The following TBC1D12 variants were observed in gnomAD, a reference collection of about 807,000 sequenced individuals.
TBC1D12 encodes the protein TBC1 domain family member 12, also known as TBC1 domain family, member 12.
In TBC1D12, 56 loss-of-function variants were observed where a neutral mutation model predicts 86.7. That is an observed-to-expected ratio of 0.65 (90% CI 0.52 to 0.81). The LOEUF (loss-of-function observed/expected upper bound fraction) is 0.81. Ranked by LOEUF, TBC1D12 falls within the 30% of genes least tolerant of loss-of-function variation. The pLI, the probability that TBC1D12 is intolerant of heterozygous loss-of-function variation, is 0.00. For synonymous variants in TBC1D12, 421 were observed against 411.7 expected (o/e 1.02, Z -0.27); for missense variants, 1,023 against 1,038.8 (o/e 0.98, Z 0.21).
chr10:94,519,620 T>TG (rs1842087832), intron 9 of TBC1D12, among the ~76,000 whole-genome samples: 1 of 152,232 alleles, frequency 6.6e-6, no homozygotes, highest in South Asian at 2.1e-4. Context: ...TAGACTTCAC[T>TG]GGGTTTAAGT....
intron 4 of TBC1D12, among the ~76,000 whole-genome samples, chr10:94,496,446 A>G (rs918336894): frequency 2.0e-5 from 3 of 152,186 alleles, no homozygotes; most frequent in Non-Finnish European, 4.4e-5. Flanking sequence ...AAAAGAGTTA[A>G]TATACTAATA....
At chr10:94,436,149 T>C (rs928807517) in intron 1 of TBC1D12, among the ~76,000 whole-genome samples, 2 of 152,114 alleles carry the variant, frequency 1.3e-5, no homozygotes, top group Non-Finnish European at 2.9e-5. Flanking sequence ...TATTCCTTTT[T>C]TTTTTTTGAG....
intron 7 of TBC1D12, among the ~76,000 whole-genome samples, 163 bp downstream of exon 7, chr10:94,507,510 A>G (rs1307668186): frequency 1.3e-5 from 2 of 152,188 alleles, no homozygotes; most frequent in Non-Finnish European, 2.9e-5. Flanking sequence ...AAGTTCATGT[A>G]AGTATCATCC....
chr10:94,457,677 T>C (rs2055648673), intron 2 of TBC1D12, among the ~76,000 whole-genome samples: 1 of 152,250 alleles, frequency 6.6e-6, no homozygotes, highest in African/African-American at 2.4e-5. Context: ...TGTTTGTTAG[T>C]TGTTGCCTTT....
At chr10:94,425,613 C>T (rs2055135684) in intron 1 of TBC1D12, among the ~76,000 whole-genome samples, 1 of 152,134 alleles carries the variant, frequency 6.6e-6, no homozygotes, top group Non-Finnish European at 1.5e-5. Flanking sequence ...ACAACTCAAC[C>T]AACTAGTAAG....
intron 1 of TBC1D12, among the ~76,000 whole-genome samples, chr10:94,428,784 A>G (rs534282479): frequency 6.6e-6 from 1 of 151,412 alleles, no homozygotes; most frequent in Non-Finnish European, 1.5e-5. Flanking sequence ...CATCAGGCTC[A>G]CTACAGCCTT....
chr10:94,460,146 C>T (rs775846126), intron 2 of TBC1D12, among the ~76,000 whole-genome samples: 2 of 152,088 alleles, frequency 1.3e-5, no homozygotes, highest in African/African-American at 4.8e-5. Context: ...GCAGGAGAAT[C>T]GCTTGAACCT....
intron 1 of TBC1D12, among the ~76,000 whole-genome samples, chr10:94,406,522 A>C (rs1589595463): frequency 6.6e-6 from 1 of 152,184 alleles, no homozygotes; most frequent in African/African-American, 2.4e-5. Flanking sequence ...AATCTATAAT[A>C]CCTAGCCACT....
chr10:94,516,176 C>T (rs1364686239), intron 9 of TBC1D12, among the ~76,000 whole-genome samples: 2 of 152,088 alleles, frequency 1.3e-5, no homozygotes, highest in African/African-American at 4.8e-5. Flanking sequence ...TAACACTTTT[C>T]TGCCCAAAAG....
intron 2 of TBC1D12, among the ~76,000 whole-genome samples, chr10:94,456,949 C>T (rs1014405062): frequency 5.9e-5 from 9 of 152,050 alleles, no homozygotes; most frequent in African/African-American, 9.7e-5. Flanking sequence ...TTCCTTGCTC[C>T]GAAGTCTGCT....
chr10:94,522,177 A>C (rs550406728), intron 10 of TBC1D12, 94 bp downstream of exon 10: 1 of 1,414,286 alleles, frequency 7.1e-7, no homozygotes, highest in African/African-American at 1.4e-5. Context: ...ATCTAATCTA[A>C]TATAAACTTA....
rs573222290 is a variant in TBC1D12 at position 94,465,883 on chromosome 10, T to C, written c.1096-8785T>C. ...ACATACATATATACACATACATGTA[T>C]GTATATACATACATACGCATATATA... On this transcript the variant is annotated intron_variant, in intron 2 of 12. Transcript: ENST00000225235. Among the ~76,000 whole-genome samples, 4 of 151,150 alleles carry C rather than the reference T, an allele frequency of 2.6e-5. No homozygotes were observed. The East Asian group carries it at 7.8e-4, about 29-fold the overall frequency.
chr10:94,456,801 C>G (rs1589628709), intron 2 of TBC1D12, among the ~76,000 whole-genome samples: 1 of 152,308 alleles, frequency 6.6e-6, no homozygotes, highest in South Asian at 2.1e-4. Context: ...TCATCTATTA[C>G]TCCTTGTAGT....
intron 3 of TBC1D12, among the ~76,000 whole-genome samples, chr10:94,489,376 G>A (rs988023495): frequency 1.3e-5 from 2 of 152,352 alleles, no homozygotes; most frequent in African/African-American, 4.8e-5. Flanking sequence ...AGAAGCCACT[G>A]CCAGGGGTTG....
At chr10:94,531,511 A>G (rs1336336632) in intron 12 of TBC1D12, 51 bp downstream of exon 12, 1 of 1,492,154 alleles carries the variant, frequency 6.7e-7, no homozygotes, top group Non-Finnish European at 8.9e-7. Context: ...CAGTTGACTT[A>G]TTGTAAAAAA....
At chr10:94,404,786 T>A (rs946617310) in intron 1 of TBC1D12, among the ~76,000 whole-genome samples, 1 of 150,968 alleles carries the variant, frequency 6.6e-6, no homozygotes, top group African/African-American at 2.4e-5. Flanking sequence ...GTAAGAGCAG[T>A]CCTGTAATCC....
chr10:94,424,051 ATAAT>A (rs59236985), intron 1 of TBC1D12, among the ~76,000 whole-genome samples: 3,306 of 152,324 alleles, frequency 0.022, 121 homozygotes, highest in African/African-American at 0.073. Context: ...ATTAGGTATT[ATAAT>A]TAATCTAAGA....
chr10:94,416,445 A>G (rs761411859), intron 1 of TBC1D12, among the ~76,000 whole-genome samples: 20 of 152,114 alleles, frequency 1.3e-4, no homozygotes, highest in Non-Finnish European at 2.5e-4. Flanking sequence ...CATAGTCCCA[A>G]TTTCCCCCCT....
chr10:94,519,209 G>T (rs1195852499), intron 9 of TBC1D12, among the ~76,000 whole-genome samples: 1 of 152,176 alleles, frequency 6.6e-6, no homozygotes, highest in Non-Finnish European at 1.5e-5. Flanking sequence ...ACAATTAAAT[G>T]TAATTTTAAT....
Sources: allele counts gnomAD v4.1 joint callset (sites outside exome capture counted in the v4.1 genomes callset), GRCh38; gene constraint gnomAD v4.1.1; transcripts MANE v1.5; gene names NCBI Gene and HGNC (gene_info 2026-07-23, HGNC 2026-07-21).